Variants in SPMAP2L observed in about 807,000 individuals in gnomAD.
The protein encoded by SPMAP2L is sperm microtubule associated protein 2-like.
At chr4:56,573,305 G>C in the SPMAP2L span, among the ~76,000 whole-genome samples, 1 of 152,038 alleles carries the variant, frequency 6.6e-6, no homozygotes, top group South Asian at 2.1e-4. Flanking sequence ...CCATTTTGTA[G>C]AACACTTATG....
the SPMAP2L span, among the ~76,000 whole-genome samples, chr4:56,542,882 A>G: frequency 1.3e-5 from 2 of 152,034 alleles, no homozygotes; most frequent in Non-Finnish European, 2.9e-5. Flanking sequence ...CTGCCTAGAT[A>G]CCATTATTTT....
the SPMAP2L span, among the ~76,000 whole-genome samples, chr4:56,600,093 CTTTCTTTTTTTTTTTT>C: frequency 3.2e-4 from 30 of 93,842 alleles, no homozygotes; most frequent in African/African-American, 1.4e-3. Flanking sequence ...TTTTTCTTTG[CTTTCTTTTTTTTTTTT>C]TTTTTTTTTT....
chr4:56,624,220 G>C, the SPMAP2L span, among the ~76,000 whole-genome samples: 4 of 152,190 alleles, frequency 2.6e-5, no homozygotes, highest in East Asian at 1.9e-4. Context: ...ACTTGAGAGA[G>C]ATGATTTAGA....
the SPMAP2L span, chr4:56,584,497 A>T: frequency 1.5e-4 from 227 of 1,527,706 alleles, no homozygotes; most frequent in Non-Finnish European, 2.0e-4. Flanking sequence ...TTGCATATAG[A>T]CCCTTCAGTG....
At chr4:56,593,163 C>T in the SPMAP2L span, 2 of 1,560,062 alleles carry the variant, frequency 1.3e-6, no homozygotes, top group African/African-American at 1.4e-5. Context: ...CCTGAGGTGT[C>T]TCAGGGGAGG....
At chr4:56,616,153 C>G in the SPMAP2L span, among the ~76,000 whole-genome samples, 1 of 152,230 alleles carries the variant, frequency 6.6e-6, no homozygotes, top group Non-Finnish European at 1.5e-5. Flanking sequence ...GACCTCACAG[C>G]TCTGGAGGCT....
the SPMAP2L span, chr4:56,596,722 C>T: frequency 2.8e-5 from 36 of 1,271,466 alleles, 1 homozygote; most frequent in Non-Finnish European, 3.5e-5. Context: ...CCCAAAGTCA[C>T]TGGAAAAGAG....
chr4:56,604,223 G>A, the SPMAP2L span, among the ~76,000 whole-genome samples: 1 of 152,140 alleles, frequency 6.6e-6, no homozygotes, highest in Non-Finnish European at 1.5e-5. Flanking sequence ...TATTTACCAG[G>A]TATGTGATCT....
At chr4:56,559,071 T>A in the SPMAP2L span, among the ~76,000 whole-genome samples, 3 of 151,816 alleles carry the variant, frequency 2.0e-5, no homozygotes, top group East Asian at 5.9e-4. Flanking sequence ...GTAGCTGGGA[T>A]TATAGGCATG....
At chr4:56,605,598 T>C in the SPMAP2L span, among the ~76,000 whole-genome samples, 1 of 152,278 alleles carries the variant, frequency 6.6e-6, no homozygotes, top group African/African-American at 2.4e-5. Flanking sequence ...CACCTAGCCT[T>C]GCTTTTCATG....
chr4:56,625,792 A>G, the SPMAP2L span, among the ~76,000 whole-genome samples: 1 of 152,136 alleles, frequency 6.6e-6, no homozygotes, highest in Admixed American at 6.5e-5. Context: ...CAGCATGAAA[A>G]CGGACTAATA....
the SPMAP2L span, among the ~76,000 whole-genome samples, chr4:56,602,108 T>C: frequency 6.6e-6 from 1 of 152,194 alleles, no homozygotes; most frequent in Non-Finnish European, 1.5e-5. Flanking sequence ...GATAAGAATA[T>C]ATAATTAACA....
chr4:56,575,550 G>A, the SPMAP2L span: 1 of 1,535,414 alleles, frequency 6.5e-7, no homozygotes, highest in African/African-American at 1.4e-5. Flanking sequence ...TAATTTGGGA[G>A]ATCACTCCTC....
the SPMAP2L span, chr4:56,584,715 T>A: frequency 2.5e-6 from 2 of 801,912 alleles, no homozygotes; most frequent in Non-Finnish European, 4.0e-6. Flanking sequence ...TATTTTTCCC[T>A]CTTATCAAAT....
At chr4:56,609,874 A>G in the SPMAP2L span, among the ~76,000 whole-genome samples, 23 of 152,216 alleles carry the variant, frequency 1.5e-4, no homozygotes, top group Admixed American at 1.5e-3. Context: ...ACTGTGAGAA[A>G]TGAATTTCTA....
At chr4:56,547,918 C>CT in the SPMAP2L span, among the ~76,000 whole-genome samples, 2 of 152,096 alleles carry the variant, frequency 1.3e-5, no homozygotes, top group African/African-American at 4.8e-5. Context: ...TCAGGATTAC[C>CT]TAATTTCCCA....
the SPMAP2L span, among the ~76,000 whole-genome samples, chr4:56,558,352 T>A: frequency 1.3e-5 from 2 of 152,298 alleles, no homozygotes; most frequent in Non-Finnish European, 2.9e-5. Context: ...AAGCCAAATA[T>A]CCTGCTTTGT....
the SPMAP2L span, among the ~76,000 whole-genome samples, chr4:56,606,997 A>G: frequency 6.6e-6 from 1 of 152,130 alleles, no homozygotes; most frequent in Admixed American, 6.6e-5. Flanking sequence ...AGGTGGATTT[A>G]TGGGATTTGA....
the SPMAP2L span, among the ~76,000 whole-genome samples, chr4:56,584,163 C>T: frequency 1.3e-5 from 2 of 152,026 alleles, no homozygotes; most frequent in Non-Finnish European, 2.9e-5. Context: ...GACAGGATCT[C>T]ACCATGTTTG....
Sources: allele counts gnomAD v4.1 joint callset (sites outside exome capture counted in the v4.1 genomes callset), GRCh38; gene constraint gnomAD v4.1.1; transcripts MANE v1.5; gene names NCBI Gene and HGNC (gene_info 2026-07-23, HGNC 2026-07-21).